Variants in ZNF33B observed in about 807,000 individuals in gnomAD.
ZNF33B encodes the protein zinc finger protein 11b (KOX 2).
In ZNF33B, 29 loss-of-function variants were observed where a neutral mutation model predicts 45.8. The ratio of observed to expected loss-of-function variants is 0.63; its 90% confidence interval spans 0.47 to 0.86. The LOEUF (loss-of-function observed/expected upper bound fraction) is 0.86, where lower values mean the gene tolerates loss of function less well. Ranked by LOEUF, ZNF33B falls within the 40% of genes least tolerant of loss-of-function variation. The pLI is 0.00. For synonymous variants in ZNF33B, 305 were observed against 307.8 expected (o/e 0.99, Z 0.10); for missense variants, 831 against 909.9 (o/e 0.91, Z 1.12).
At position 42,593,660 on chromosome 10, in the gene ZNF33B, T is replaced by C. The variant is rs745651157; in HGVS notation, c.1290A>G (p.Lys430=). The C allele has an allele frequency of 4.2e-5, 68 of 1,613,984 alleles. 1 individual carries two copies. In the South Asian group the frequency reaches 6.4e-4, roughly 15 times the overall value. ...TCTGCCCTGTGTGTGTTCTCTGATGTTTAGTGAGGTCAGATTTCTGGTAAA... is the reference window on the plus strand; with the variant it reads ...TCTGCCCTGTGTGTGTTCTCTGATGCTTAGTGAGGTCAGATTTCTGGTAAA... The part of the protein sequence containing the change: ...KTFYQKSDLT[K]HQRTHTGQKP... The change falls in exon 5 of 5, where the codon AAA becomes AAG. Residue 430 remains lysine, a synonymous_variant. Transcript: ENST00000359467.
intron 4 of ZNF33B, among the ~76,000 whole-genome samples, chr10:42,598,112 T>C (rs1837474060): frequency 1.3e-5 from 2 of 152,024 alleles, no homozygotes; most frequent in South Asian, 4.2e-4. Flanking sequence ...TGCTTTGCAA[T>C]GTTGCAGCAG....
chr10:42,631,198 T>G (rs986804883), intron 4 of ZNF33B, among the ~76,000 whole-genome samples: 1 of 152,154 alleles, frequency 6.6e-6, no homozygotes, highest in Non-Finnish European at 1.5e-5. Flanking sequence ...ATTTTGTTTT[T>G]TTTTTATATT....
At position 42,592,560 on chromosome 10, in the gene ZNF33B, A is replaced by G; in HGVS notation, c.*53T>C. ...ACAGGCCCTTCTCCACAGTGTGAAG[A>G]CTCTGAGGCATTATGGAGGCTGACT... On this transcript the variant is annotated 3_prime_UTR_variant, in exon 5 of 5. Transcript: ENST00000359467. The G allele has an allele frequency of 1.9e-6, 3 of 1,570,196 alleles. No homozygotes were observed. Among genetic ancestry groups the G allele is most frequent in the South Asian group, 2.4e-5 (2 of 82,274 alleles).
At position 42,590,043 on chromosome 10, in the gene ZNF33B, G is replaced by C. The variant is rs1219018699; in HGVS notation, c.*2570C>G. 1 of 152,168 alleles carries C rather than the reference G, an allele frequency of 6.6e-6. No individual in the cohort carries two copies. Among genetic ancestry groups the C allele is most frequent in the Non-Finnish European group, 1.5e-5 (1 of 68,022 alleles). The allele number at this position is 152,168 out of a possible 1,614,324, so 9.4% of individuals were successfully genotyped here. ...GTCAAATGCTTTTTCTGTACCTATTGATATGATCATATTTAATCTTTGAAC... is the reference window on the plus strand; with the variant it reads ...GTCAAATGCTTTTTCTGTACCTATTCATATGATCATATTTAATCTTTGAAC... On this transcript the variant is annotated 3_prime_UTR_variant, in exon 5 of 5. Coordinates refer to ENST00000359467, the MANE Select transcript of ZNF33B (RefSeq NM_006955.3).
At chr10:42,601,196 C>T (rs1474408041) in intron 4 of ZNF33B, among the ~76,000 whole-genome samples, 2 of 152,160 alleles carry the variant, frequency 1.3e-5, no homozygotes, top group Non-Finnish European at 2.9e-5. Context: ...TGTCCTTTAT[C>T]TCTGGCTGCT....
At chr10:42,580,597 T>C (rs1227488889) in intron 1 of ZNF33B, among the ~76,000 whole-genome samples, 1 of 152,048 alleles carries the variant, frequency 6.6e-6, no homozygotes, top group African/African-American at 2.4e-5. Flanking sequence ...TGATCCCATT[T>C]TGGAATATTT....
intron 4 of ZNF33B, among the ~76,000 whole-genome samples, chr10:42,621,885 G>C (rs756856840): frequency 3.9e-5 from 6 of 152,064 alleles, no homozygotes; most frequent in Non-Finnish European, 7.4e-5. Flanking sequence ...CCATTGCAAA[G>C]GAAGACATAA....
At chr10:42,583,075 C>A (rs780901350) in intron 1 of ZNF33B, 1 of 822,856 alleles carries the variant, frequency 1.2e-6, no homozygotes, top group Non-Finnish European at 2.1e-6. Flanking sequence ...TCCAGCACTG[C>A]AAGGGTTTAA....
chr10:42,621,901 T>G (rs766921410), intron 4 of ZNF33B, among the ~76,000 whole-genome samples: 4 of 152,110 alleles, frequency 2.6e-5, no homozygotes, highest in Admixed American at 2.6e-4. Flanking sequence ...CATAAAACTA[T>G]GCCTACTCAC....
chr10:42,594,430 C>T lies in ZNF33B; in HGVS notation c.520G>A (p.Gly174Arg). ...GKKSDEFNAC[G>R]KLLLNIKHDE... is the part of the protein sequence containing the mutation. ...TGCTTAATATTGAGTAACAATTTCC[C>T]ACATGCATTAAATTCGTCAGACTTT... The change falls in exon 5 of 5, where the codon GGG becomes AGG. Residue 174 changes from glycine to arginine, a missense_variant. Gly to Arg is a moderately radical substitution (Grantham distance 125, BLOSUM62 -2). Coordinates refer to ENST00000359467, the MANE Select transcript of ZNF33B (RefSeq NM_006955.3). 12 of 1,613,594 alleles carry T rather than the reference C, an allele frequency of 7.4e-6. No homozygotes were observed. Among genetic ancestry groups the T allele is most frequent in the Non-Finnish European group, 1.0e-5 (12 of 1,179,800 alleles).
intron 4 of ZNF33B, among the ~76,000 whole-genome samples, chr10:42,615,856 T>TGGCTC (rs1838289220): frequency 6.7e-6 from 1 of 149,778 alleles, no homozygotes; most frequent in Admixed American, 6.7e-5. Context: ...ACCCAGGAGG[T>TGGCTC]GGAAGCTGCA....
chr10:42,618,808 G>A (rs1473091985), intron 4 of ZNF33B, among the ~76,000 whole-genome samples: 2 of 151,952 alleles, frequency 1.3e-5, no homozygotes. Flanking sequence ...TGATACTCCC[G>A]TTTGTGTATG....
chr10:42,592,377 G>T lies in ZNF33B; in HGVS notation c.*236C>A. On this transcript the variant is annotated 3_prime_UTR_variant, in exon 5 of 5. Transcript: ENST00000359467. ...TTCACAAATTCAAAAAAATCTGTGA[G>T]GTTTTATGCCAGTATTAACCATCTG... is the stretch of plus-strand genomic sequence containing the variant. 1.6e-6 allele frequency: 1 copy of T among 629,660 alleles called. No homozygotes were observed. The highest frequency in any genetic ancestry group is 2.4e-6 in the Non-Finnish European group (1 of 424,650). The allele number at this position is 629,660 out of a possible 1,614,324, so 39.0% of individuals were successfully genotyped here.
chr10:42,597,370 A>G (rs1214099559), intron 4 of ZNF33B, among the ~76,000 whole-genome samples: 1 of 152,116 alleles, frequency 6.6e-6, no homozygotes, highest in Non-Finnish European at 1.5e-5. Flanking sequence ...TAATAGTAAC[A>G]TAAAACAACA....
chr10:42,634,267 C>T lies in ZNF33B; in HGVS notation c.10-1828G>A, dbSNP rs577869858. On this transcript the variant is annotated intron_variant, in intron 2 of 4. Transcript: ENST00000359467. ...TAAAAATACAAAAAAATTAGCCAGG[C>T]GTGGGGGCAGGTGCCTGTAATCCCA... is the stretch of plus-strand genomic sequence containing the variant. 5.3e-5 allele frequency among the ~76,000 whole-genome samples: 8 copies of T among 151,996 alleles called. No individual in the cohort carries two copies. The South Asian group carries it at 8.3e-4, about 16-fold the overall frequency.
Position 42,618,082 on chromosome 10 carries a change from T to C in ZNF33B, c.250+13847A>G, listed in dbSNP as rs11239704. ...TCTCTGGTCTCCCTAGAAACCTGTG[T>C]GTATAAGTAATAAACTCTTTTTTAC... On this transcript the variant is annotated intron_variant, in intron 4 of 4. Coordinates refer to ENST00000359467, the MANE Select transcript of ZNF33B (RefSeq NM_006955.3). 5.4e-3 allele frequency among the ~76,000 whole-genome samples: 825 copies of C among 152,286 alleles called. 30 individuals are homozygous for C. The East Asian group carries it at 0.085, about 16-fold the overall frequency.
intron 4 of ZNF33B, among the ~76,000 whole-genome samples, chr10:42,624,168 C>T (rs1838704624): frequency 6.6e-6 from 1 of 152,152 alleles, no homozygotes; most frequent in Non-Finnish European, 1.5e-5. Context: ...AAGGCACTAA[C>T]CTCATCGTGA....
chr10:42,615,894 C>CA (rs1838291972), intron 4 of ZNF33B, among the ~76,000 whole-genome samples: 1 of 108,426 alleles, frequency 9.2e-6, no homozygotes, highest in African/African-American at 4.1e-5. Context: ...CACTGCACTC[C>CA]AGCCTGAGAG....
At chr10:42,603,911 A>G (rs1211936068) in intron 4 of ZNF33B, among the ~76,000 whole-genome samples, 2 of 152,236 alleles carry the variant, frequency 1.3e-5, no homozygotes, top group African/African-American at 4.8e-5. Context: ...CTTCTCTCAA[A>G]TAGTAGTCAA....
Sources: gnomAD v4.1 joint callset for allele counts (sites outside exome capture counted in the v4.1 genomes callset) on GRCh38, gnomAD v4.1.1 for gene constraint, MANE v1.5 for transcripts, NCBI Gene and HGNC (gene_info 2026-07-23, HGNC 2026-07-21) for gene names.